ST6GALNAC3: variants seen among roughly 807,000 people sequenced by gnomAD.
ST6GALNAC3 encodes alpha-N-acetylgalactosaminide alpha-2,6-sialyltransferase 3.
A neutral mutation model predicts 32.7 loss-of-function variants in ST6GALNAC3; 25 were observed. The observed-to-expected ratio is 0.76, with a 90% CI of 0.56 to 1.07. ST6GALNAC3 has a LOEUF of 1.07. Ranked by LOEUF, ST6GALNAC3 falls within the 50% of genes least tolerant of loss-of-function variation. The pLI is 0.00. For missense variants in ST6GALNAC3, 355 were observed against 382.4 expected (o/e 0.93, Z 0.60); for synonymous variants, 129 against 133.1 (o/e 0.97, Z 0.21).
At chr1:76,393,764 A>G (rs1013249894) in intron 2 of ST6GALNAC3, among the ~76,000 whole-genome samples, 1 of 152,098 alleles carries the variant, frequency 6.6e-6, no homozygotes, top group African/African-American at 2.4e-5. Flanking sequence ...TAATCACATG[A>G]TTTGTCTTTA....
At chr1:76,400,506 C>A (rs1017141310) in intron 2 of ST6GALNAC3, among the ~76,000 whole-genome samples, 5 of 152,070 alleles carry the variant, frequency 3.3e-5, no homozygotes, top group Admixed American at 6.6e-5. Context: ...ATGAAGTGGG[C>A]CTGCCTCTTC....
chr1:76,618,450 T>G (rs1230991589), intron 3 of ST6GALNAC3, among the ~76,000 whole-genome samples: 1 of 152,204 alleles, frequency 6.6e-6, no homozygotes, highest in East Asian at 1.9e-4. Flanking sequence ...GAGGATTAAA[T>G]GAGACAACAA....
intron 2 of ST6GALNAC3, among the ~76,000 whole-genome samples, chr1:76,382,254 A>G (rs4949711): frequency 0.069 from 10,531 of 152,246 alleles, 403 homozygotes; most frequent in Admixed American, 0.12. Flanking sequence ...AGGAAATATA[A>G]CCAAATAAAT....
chr1:76,291,993 T>C (rs538780279), intron 1 of ST6GALNAC3, among the ~76,000 whole-genome samples: 1 of 152,376 alleles, frequency 6.6e-6, no homozygotes, highest in South Asian at 2.1e-4. Context: ...CAGCCTTAAA[T>C]TGAATAAGCC....
intron 3 of ST6GALNAC3, among the ~76,000 whole-genome samples, chr1:76,547,280 T>C (rs912726578): frequency 6.6e-6 from 1 of 152,210 alleles, no homozygotes; most frequent in Non-Finnish European, 1.5e-5. Flanking sequence ...AACCCATTCC[T>C]TAGCGCCCCG....
At chr1:76,576,901 C>T in intron 3 of ST6GALNAC3, 1 of 1,303,164 alleles carries the variant, frequency 7.7e-7, no homozygotes, top group South Asian at 1.2e-5. Context: ...CATACATGTC[C>T]TGCCCCACCA....
At chr1:76,452,839 G>A (rs942536965) in intron 3 of ST6GALNAC3, among the ~76,000 whole-genome samples, 1 of 152,132 alleles carries the variant, frequency 6.6e-6, no homozygotes, top group Non-Finnish European at 1.5e-5. Flanking sequence ...TTATGGCATA[G>A]TGTCAGTAGG....
At chr1:76,183,148 C>T (rs887149587) in intron 1 of ST6GALNAC3, among the ~76,000 whole-genome samples, 1 of 152,064 alleles carries the variant, frequency 6.6e-6, no homozygotes, top group Non-Finnish European at 1.5e-5. Flanking sequence ...CTTGTGGTCA[C>T]GTAATGAAAA....
intron 1 of ST6GALNAC3, among the ~76,000 whole-genome samples, chr1:76,138,571 A>G (rs1650093218): frequency 1.3e-5 from 2 of 152,134 alleles, no homozygotes; most frequent in Admixed American, 1.3e-4. Flanking sequence ...ACCTCCCTAA[A>G]ATGGGTCATT....
At position 76,307,608 on chromosome 1, in the gene ST6GALNAC3, A is replaced by G. The variant is rs190336206; in HGVS notation, c.19-6197A>G. On this transcript the variant is annotated intron_variant, in intron 1 of 4. Coordinates refer to ENST00000328299, the MANE Select transcript of ST6GALNAC3 (RefSeq NM_152996.4). The stretch of plus-strand genomic sequence containing the variant: ...AATGACAGCATGTGAACAAAAGTGT[A>G]TGCTTTTCACACTAGTGAATACTTG... Among the ~76,000 whole-genome samples, 26 of 152,284 alleles carry G rather than the reference A, an allele frequency of 1.7e-4. 2 individuals are homozygous for G. The highest frequency in any genetic ancestry group is 1.6e-3 in the Admixed American group (24 of 15,284).
At chr1:76,189,995 A>C (rs552263527) in intron 1 of ST6GALNAC3, among the ~76,000 whole-genome samples, 1 of 152,274 alleles carries the variant, frequency 6.6e-6, no homozygotes, top group African/African-American at 2.4e-5. Flanking sequence ...GATAAAGGAA[A>C]GTTTGTCAGA....
chr1:76,343,657 T>C (rs1648252098), intron 2 of ST6GALNAC3, among the ~76,000 whole-genome samples: 1 of 152,240 alleles, frequency 6.6e-6, no homozygotes, highest in African/African-American at 2.4e-5. Context: ...CCTATATCGC[T>C]ACTTCTTTCT....
intron 2 of ST6GALNAC3, among the ~76,000 whole-genome samples, chr1:76,411,514 T>C (rs1654237012): frequency 6.6e-6 from 1 of 152,118 alleles, no homozygotes; most frequent in Non-Finnish European, 1.5e-5. Flanking sequence ...TGAAAATCTG[T>C]TTTATAACCT....
chr1:76,163,228 T>C (rs1394040294), intron 1 of ST6GALNAC3, among the ~76,000 whole-genome samples: 1 of 152,240 alleles, frequency 6.6e-6, no homozygotes, highest in Non-Finnish European at 1.5e-5. Flanking sequence ...TAAAAGTTGT[T>C]CTTGAAGTTT....
At chr1:76,413,556 A>C (rs1445012611) in intron 3 of ST6GALNAC3, among the ~76,000 whole-genome samples, 1 of 152,086 alleles carries the variant, frequency 6.6e-6, no homozygotes, top group Non-Finnish European at 1.5e-5. Flanking sequence ...TTACTTAAAA[A>C]CCTTAGGTGG....
At chr1:76,374,927 A>G (rs1288780003) in intron 2 of ST6GALNAC3, among the ~76,000 whole-genome samples, 5 of 152,164 alleles carry the variant, frequency 3.3e-5, no homozygotes, top group South Asian at 2.1e-4. Flanking sequence ...GTTTTCTGCA[A>G]TGGGCATTTG....
At chr1:76,348,372 T>G (rs1648690877) in intron 2 of ST6GALNAC3, among the ~76,000 whole-genome samples, 1 of 152,278 alleles carries the variant, frequency 6.6e-6, no homozygotes, top group East Asian at 1.9e-4. Flanking sequence ...CTGATTTCCT[T>G]TGCACATGAG....
chr1:76,595,987 C>T (rs1570400780), intron 3 of ST6GALNAC3, among the ~76,000 whole-genome samples: 1 of 152,010 alleles, frequency 6.6e-6, no homozygotes, highest in East Asian at 1.9e-4. Flanking sequence ...TCAGGGGATG[C>T]AGCTTTAATT....
intron 1 of ST6GALNAC3, among the ~76,000 whole-genome samples, chr1:76,213,764 G>A (rs962164548): frequency 1.1e-4 from 16 of 152,018 alleles, no homozygotes; most frequent in Admixed American, 1.0e-3. Flanking sequence ...GCCTTGCCTG[G>A]GCATAACCCA....
Sources: gnomAD v4.1 joint callset for allele counts (sites outside exome capture counted in the v4.1 genomes callset) on GRCh38, gnomAD v4.1.1 for gene constraint, MANE v1.5 for transcripts, NCBI Gene and HGNC (gene_info 2026-07-23, HGNC 2026-07-21) for gene names.